PHF21B: variants seen among roughly 807,000 people sequenced by gnomAD.
PHF21B encodes PHD finger protein 4.
In PHF21B, 22 loss-of-function variants were observed where a neutral mutation model predicts 62.2. That is an observed-to-expected ratio of 0.35 (90% CI 0.25 to 0.51). The LOEUF (loss-of-function observed/expected upper bound fraction) is 0.51, where lower values mean the gene tolerates loss of function less well. Among genes scored for constraint, PHF21B ranks in the 20% least tolerant of loss-of-function variants. The probability of loss-of-function intolerance (pLI) is 0.97; values close to 1 mark genes in which losing one functional copy is unlikely to be tolerated. For missense variants in PHF21B, 701 were observed against 707.9 expected, an observed-to-expected ratio of 0.99 and a Z score of 0.11; for synonymous variants, 341 against 314.7, an observed-to-expected ratio of 1.08 and a Z score of -0.88.
At chr22:44,919,508 A>G (rs2071497231) in intron 3 of PHF21B, among the ~76,000 whole-genome samples, 1 of 152,212 alleles carries the variant, frequency 6.6e-6, no homozygotes, top group African/African-American at 2.4e-5. Flanking sequence ...ACTCTGATTC[A>G]GCTCAAGTGG....
At chr22:44,927,152 G>A (rs986715240) in intron 2 of PHF21B, among the ~76,000 whole-genome samples, 45 of 152,032 alleles carry the variant, frequency 3.0e-4, no homozygotes, top group African/African-American at 9.7e-4. Flanking sequence ...GAGAGGTGAG[G>A]AGATGACAGG....
rs1031528623 is a variant in PHF21B at position 45,003,701 on chromosome 22, G to C, written c.120+4844C>G. ...GAATATACTAGAAGGGCCCAGAGTA[G>C]ACGCAGCATGCCACTCACAACAGGA... On this transcript the variant is annotated intron_variant, in intron 2 of 12. Coordinates refer to ENST00000313237, the MANE Select transcript of PHF21B (RefSeq NM_138415.5). The C allele has an allele frequency of 5.2e-5, 8 of 152,382 alleles. 1 individual carries two copies. The allele number at this position is 152,382 out of a possible 1,614,324, so 9.4% of individuals were successfully genotyped here.
At position 44,881,983 on chromosome 22, in the gene PHF21B, T is replaced by C. The variant is rs2070748684; in HGVS notation, c.*1103A>G. 6.6e-6 allele frequency: 1 copy of C among 152,606 alleles called. No individual in the cohort carries two copies. Among genetic ancestry groups the C allele is most frequent in the African/African-American group, 2.4e-5 (1 of 41,440 alleles). 9.5% of individuals were successfully genotyped at this position (152,606 alleles called of 1,614,324 possible). ...CCGGATCTTCCAGCTTGGCCAGGCTTCCCGAGGGGAGGTGTTCCCATTTGT... is the reference window on the plus strand; with the variant it reads ...CCGGATCTTCCAGCTTGGCCAGGCTCCCCGAGGGGAGGTGTTCCCATTTGT... On this transcript the variant is annotated 3_prime_UTR_variant, in exon 13 of 13. Coordinates refer to ENST00000313237, the MANE Select transcript of PHF21B (RefSeq NM_138415.5).
At chr22:44,954,629 C>A (rs1404227870) in intron 2 of PHF21B, among the ~76,000 whole-genome samples, 2 of 152,264 alleles carry the variant, frequency 1.3e-5, no homozygotes, top group Non-Finnish European at 2.9e-5. Context: ...TCTGGCCTCT[C>A]TTGAGCAATT....
intron 2 of PHF21B, among the ~76,000 whole-genome samples, chr22:44,994,128 C>T (rs541400090): frequency 4.6e-5 from 7 of 152,336 alleles, no homozygotes; most frequent in South Asian, 2.1e-4. Flanking sequence ...ATCCCCGCAA[C>T]GTGAATCCAA....
At chr22:44,985,785 G>A (rs952104247) in intron 2 of PHF21B, among the ~76,000 whole-genome samples, 1 of 152,012 alleles carries the variant, frequency 6.6e-6, no homozygotes, top group Non-Finnish European at 1.5e-5. Flanking sequence ...CACCACTGAT[G>A]TTATCACCGT....
chr22:44,887,987 C>A lies in PHF21B; in HGVS notation c.1173G>T (p.Trp391Cys), dbSNP rs1487574053. ...PPLKTAPKGV[W>C]VCPRCQQKAL... ...CCTTCTGCTGGCACCTGGGGCACAC[C>A]CACACGCCCTTGGGCGCCGTCTTGA... is the stretch of plus-strand genomic sequence containing the variant. The change falls in exon 10 of 13, where the codon TGG becomes TGT. Residue 391 changes from tryptophan (W) to cysteine (C), a missense_variant. Trp to Cys is a radical substitution (Grantham distance 215). Coordinates refer to ENST00000313237, the MANE Select transcript of PHF21B (RefSeq NM_138415.5). The A allele has an allele frequency of 1.3e-6, 2 of 1,561,984 alleles. No homozygotes were observed. Among genetic ancestry groups the A allele is most frequent in the Non-Finnish European group, 1.7e-6 (2 of 1,154,470 alleles).
intron 1 of PHF21B, chr22:45,008,834 C>A: frequency 3.4e-6 from 4 of 1,181,762 alleles, no homozygotes; most frequent in Non-Finnish European, 4.2e-6. Flanking sequence ...CGGGGCGGGG[C>A]GGGGGCCGAG....
At chr22:45,000,160 G>A (rs999983071) in intron 2 of PHF21B, among the ~76,000 whole-genome samples, 1 of 152,076 alleles carries the variant, frequency 6.6e-6, no homozygotes, top group African/African-American at 2.4e-5. Flanking sequence ...AGCCTGCACT[G>A]TAAATCACTT....
chr22:44,995,652 G>C (rs1299576692), intron 2 of PHF21B, among the ~76,000 whole-genome samples: 1 of 152,112 alleles, frequency 6.6e-6, no homozygotes, highest in Non-Finnish European at 1.5e-5. Context: ...TTGCATCTTA[G>C]GATGCTAAGG....
At chr22:44,992,656 G>A (rs1045813698) in intron 2 of PHF21B, among the ~76,000 whole-genome samples, 3 of 152,212 alleles carry the variant, frequency 2.0e-5, no homozygotes, top group East Asian at 3.8e-4. Flanking sequence ...GCTTTTGGCC[G>A]CCATCCTCCA....
chr22:44,909,235 T>G (rs1464799222), intron 5 of PHF21B, among the ~76,000 whole-genome samples: 3 of 152,274 alleles, frequency 2.0e-5, no homozygotes, highest in African/African-American at 7.2e-5. Context: ...ATTGTATAAA[T>G]GCACAATAAT....
chr22:44,952,375 T>C (rs898718368), intron 2 of PHF21B, among the ~76,000 whole-genome samples: 1 of 152,134 alleles, frequency 6.6e-6, no homozygotes, highest in South Asian at 2.1e-4. Flanking sequence ...CCAACATGCA[T>C]GCAACGTGAG....
At chr22:44,903,390 C>T (rs1182491274) in intron 5 of PHF21B, among the ~76,000 whole-genome samples, 3 of 151,824 alleles carry the variant, frequency 2.0e-5, no homozygotes, top group Non-Finnish European at 4.4e-5. Context: ...CTGCCCAGCC[C>T]TGACCTCTGC....
intron 11 of PHF21B, 85 bp from the exon 12 acceptor site, chr22:44,885,614 G>A (rs1258937877): frequency 2.3e-6 from 3 of 1,332,360 alleles, no homozygotes; most frequent in Non-Finnish European, 3.1e-6. Flanking sequence ...CAGAAGGGAT[G>A]AAACCAAGGC....
intron 5 of PHF21B, among the ~76,000 whole-genome samples, chr22:44,897,387 C>T (rs555508925): frequency 1.8e-4 from 28 of 152,108 alleles, no homozygotes; most frequent in African/African-American, 5.8e-4. Context: ...CATCACAGAG[C>T]GAAGAGGTGC....
chr22:44,970,250 A>G (rs146365001), intron 2 of PHF21B, among the ~76,000 whole-genome samples: 39 of 152,384 alleles, frequency 2.6e-4, no homozygotes, highest in South Asian at 2.1e-3. Flanking sequence ...CAGGCTGGCC[A>G]TGCCATGTGA....
Position 44,897,293 on chromosome 22 carries a change from A to G in PHF21B, c.832-1210T>C, listed in dbSNP as rs188569384. 2.5e-3 allele frequency among the ~76,000 whole-genome samples: 378 copies of G among 152,080 alleles called. 1 individual carries two copies. The highest frequency in any genetic ancestry group is 8.5e-3 in the African/African-American group (353 of 41,470). On this transcript the variant is annotated intron_variant, in intron 5 of 12. Coordinates refer to ENST00000313237, the MANE Select transcript of PHF21B (RefSeq NM_138415.5). Reference sequence around the variant, plus strand: ...AAGGCAGAATCTAGAATGGCCCCCGAGCCCCTACCCTGCGGTGTAGCCACC... The same window carrying G: ...AAGGCAGAATCTAGAATGGCCCCCGGGCCCCTACCCTGCGGTGTAGCCACC...
At chr22:44,920,336 A>C in intron 3 of PHF21B, 62 bp downstream of exon 3, 1 of 1,392,770 alleles carries the variant, frequency 7.2e-7, no homozygotes, top group Non-Finnish European at 9.8e-7. Context: ...CTGAGGGGTT[A>C]GGAACAGAGA....
Sources: gnomAD v4.1 joint callset for allele counts (sites outside exome capture counted in the v4.1 genomes callset) on GRCh38, gnomAD v4.1.1 for gene constraint, MANE v1.5 for transcripts, NCBI Gene and HGNC (gene_info 2026-07-23, HGNC 2026-07-21) for gene names.